LRP1B: variants seen among roughly 807,000 people sequenced by gnomAD.
The protein encoded by LRP1B is low-density lipoprotein receptor-related protein 1B.
A neutral mutation model predicts 556.6 loss-of-function variants in LRP1B; 217 were observed. That is an observed-to-expected ratio of 0.39 (90% CI 0.35 to 0.44). The LOEUF (loss-of-function observed/expected upper bound fraction) is 0.44. Among genes scored for constraint, LRP1B ranks in the 20% least tolerant of loss-of-function variants. The pLI is 1.00. For missense variants in LRP1B, 5,053 were observed against 5,620.8 expected (o/e 0.90, Z 3.23); for synonymous variants, 2,047 against 1,865.8 (o/e 1.10, Z -2.50).
intron 21 of LRP1B, among the ~76,000 whole-genome samples, chr2:140,909,275 A>T (rs1694348494): frequency 6.6e-6 from 1 of 152,164 alleles, no homozygotes; most frequent in South Asian, 2.1e-4. Flanking sequence ...ATCTTATAAA[A>T]ATAAGTGGGG....
At chr2:140,282,773 C>A (rs146267209) in intron 84 of LRP1B, among the ~76,000 whole-genome samples, 1 of 151,892 alleles carries the variant, frequency 6.6e-6, no homozygotes, top group African/African-American at 2.4e-5. Flanking sequence ...GTCTCTCATT[C>A]CAATCCAAGT....
At chr2:140,927,148 T>C (rs1359380030) in intron 20 of LRP1B, among the ~76,000 whole-genome samples, 1 of 152,080 alleles carries the variant, frequency 6.6e-6, no homozygotes. Context: ...CTACTAAATA[T>C]ACAAAAATTA....
intron 7 of LRP1B, among the ~76,000 whole-genome samples, chr2:141,070,508 A>G (rs927187097): frequency 9.2e-5 from 14 of 151,916 alleles, no homozygotes; most frequent in African/African-American, 3.1e-4. Flanking sequence ...TAAAATCAGA[A>G]CAGAACTGAA....
chr2:140,972,781 T>G (rs1031282577), intron 18 of LRP1B, among the ~76,000 whole-genome samples: 14 of 151,888 alleles, frequency 9.2e-5, no homozygotes, highest in Middle Eastern at 3.5e-3. Context: ...AGAGAAAATT[T>G]GGAAACTAGA....
At chr2:140,601,345 CAAAT>C (rs1239427945) in intron 42 of LRP1B, 101 bp downstream of exon 42, 9 of 1,013,356 alleles carry the variant, frequency 8.9e-6, no homozygotes, top group Non-Finnish European at 1.2e-5. Flanking sequence ...AATAAAACTT[CAAAT>C]AAAAACTTTA....
At chr2:140,914,661 G>A (rs1030735195) in intron 21 of LRP1B, among the ~76,000 whole-genome samples, 4 of 152,074 alleles carry the variant, frequency 2.6e-5, no homozygotes, top group Non-Finnish European at 4.4e-5. Flanking sequence ...CACATATTAC[G>A]TGCTCAACAA....
chr2:140,480,475 C>A (rs1272854013), intron 59 of LRP1B, among the ~76,000 whole-genome samples: 2 of 151,496 alleles, frequency 1.3e-5, no homozygotes, highest in African/African-American at 2.4e-5. Context: ...TTTTTTCACT[C>A]TGTTGCCCAG....
At position 140,534,029 on chromosome 2, in the gene LRP1B, T is replaced by A. The variant is rs759152112; in HGVS notation, c.7754A>T (p.Asp2585Val). Residue 2585 changes from aspartate (D) to valine (V), a missense_variant, in exon 47 of 91, where the codon GAT (aspartate) becomes GTT (valine). Physicochemically the swap from Asp to Val is radical, Grantham distance 152. Around this residue, in one of 5 missense-constraint regions of LRP1B, gnomAD observed 3,619 missense variants for 3,931.9 expected, o/e 0.92. Transcript: ENST00000389484. ...ATGGAACAAGTATTTACCTTTACAA[T>A]CTAATTCATCAGAGTTGTCTCCGCA... ...NDCGDNSDEL[D>V]CKVSTCATVE... 2 of 1,613,494 alleles carry A rather than the reference T, an allele frequency of 1.2e-6. No homozygotes were observed. Among genetic ancestry groups the A allele is most frequent in the Non-Finnish European group, 1.7e-6 (2 of 1,179,628 alleles).
chr2:140,591,681 A>G (rs1682232329), intron 43 of LRP1B, among the ~76,000 whole-genome samples: 1 of 152,226 alleles, frequency 6.6e-6, no homozygotes, highest in Non-Finnish European at 1.5e-5. Context: ...GTTCTGTACA[A>G]CGACTTGTCT....
chr2:141,075,979 G>A (rs554447076), intron 7 of LRP1B, among the ~76,000 whole-genome samples: 1 of 152,142 alleles, frequency 6.6e-6, no homozygotes, highest in African/African-American at 2.4e-5. Flanking sequence ...TAAAATCATA[G>A]GATTATACAG....
At chr2:141,149,409 C>A (rs1018702390) in intron 7 of LRP1B, among the ~76,000 whole-genome samples, 6 of 152,166 alleles carry the variant, frequency 3.9e-5, no homozygotes, top group East Asian at 3.9e-4. Context: ...AGCCTAATAA[C>A]CTTTGCACCC....
At chr2:141,820,868 A>G (rs1696729058) in intron 1 of LRP1B, among the ~76,000 whole-genome samples, 1 of 152,242 alleles carries the variant, frequency 6.6e-6, no homozygotes, top group Non-Finnish European at 1.5e-5. Flanking sequence ...AGAAGATCAC[A>G]TCCTAATTCC....
At chr2:142,038,065 A>G (rs967360167) in intron 1 of LRP1B, among the ~76,000 whole-genome samples, 1 of 151,564 alleles carries the variant, frequency 6.6e-6, no homozygotes, top group African/African-American at 2.4e-5. Context: ...TCAAAATAAT[A>G]TTAAAAAAAT....
chr2:140,841,212 A>T (rs979934546), intron 29 of LRP1B, 120 bp from the exon 30 acceptor site: 25 of 619,798 alleles, frequency 4.0e-5, no homozygotes, highest in Non-Finnish European at 8.1e-6. Context: ...GTTAGCTAAA[A>T]TCGCACAAGA....
intron 2 of LRP1B, among the ~76,000 whole-genome samples, chr2:141,669,046 T>C (rs1191700): frequency 0.6 from 90,720 of 151,906 alleles, 27,498 homozygotes; most frequent in East Asian, 0.77. Context: ...TTAGTTTGTG[T>C]TCTCCCAAAA....
Position 140,695,090 on chromosome 2 carries a change from T to A in LRP1B, c.6799+5160A>T, listed in dbSNP as rs893374677. Among the ~76,000 whole-genome samples, 7 of 151,728 alleles carry A rather than the reference T, an allele frequency of 4.6e-5. No homozygotes were observed. The East Asian group carries it at 1.4e-3, about 30-fold the overall frequency. On this transcript the variant is annotated intron_variant, in intron 41 of 90. Coordinates refer to ENST00000389484, the MANE Select transcript of LRP1B (RefSeq NM_018557.3). ...TCATCTTCTGCTTGGTGGGGTTTTT[T>A]AAGCTGTCTTTCTTAAGAATCCATG...
At chr2:140,579,973 G>A (rs1261351841) in intron 43 of LRP1B, among the ~76,000 whole-genome samples, 1 of 152,160 alleles carries the variant, frequency 6.6e-6, no homozygotes, top group East Asian at 1.9e-4. Flanking sequence ...TCCTATATAT[G>A]CAAATGGAGA....
Position 141,049,051 on chromosome 2 carries a change from G to A in LRP1B, c.1724C>T (p.Thr575Ile), listed in dbSNP as rs2105445668. Reference protein sequence around the residue: ...AETNYIYFADTTSFLIGRQKI... With the variant: ...AETNYIYFADITSFLIGRQKI... ...CTGCCGGCCAATTAGGAAACTGGTG[G>A]TGTCAGCAAAGTAGATGTAATTGGT... Residue 575 changes from threonine (T) to isoleucine (I), a missense_variant, in exon 11 of 91, where the codon ACC becomes ATC. This residue lies in a region of LRP1B where 3,619 missense variants were observed against 3,931.9 expected (regional missense o/e 0.92). Coordinates refer to ENST00000389484, the MANE Select transcript of LRP1B (RefSeq NM_018557.3). The A allele has an allele frequency of 6.2e-7, 1 of 1,613,586 alleles. No individual in the cohort carries two copies. The highest frequency in any genetic ancestry group is 8.5e-7 in the Non-Finnish European group (1 of 1,179,688).
intron 7 of LRP1B, among the ~76,000 whole-genome samples, chr2:141,153,575 ATAT>A (rs1359615118): frequency 7.8e-6 from 1 of 129,016 alleles, no homozygotes; most frequent in African/African-American, 3.2e-5. Context: ...ATATATAATA[ATAT>A]ATTATATATT....
Sources: allele counts gnomAD v4.1 joint callset (sites outside exome capture counted in the v4.1 genomes callset), GRCh38; gene constraint gnomAD v4.1.1; regional missense constraint gnomAD v4.1.1; transcripts MANE v1.5; gene names NCBI Gene and HGNC (gene_info 2026-07-23, HGNC 2026-07-21).